Variants in EIF2AK4 observed in about 807,000 individuals in gnomAD.
The protein encoded by EIF2AK4 is eIF-2-alpha kinase GCN2.
EIF2AK4 carries 139 observed loss-of-function variants against 211.1 expected under a neutral mutation model. That is an observed-to-expected ratio of 0.66 (90% confidence interval 0.57 to 0.76). The LOEUF is 0.76. Among genes scored for constraint, EIF2AK4 ranks in the 30% least tolerant of loss-of-function variants. EIF2AK4 has a pLI of 0.00. For synonymous variants in EIF2AK4, 710 were observed against 751.3 expected (o/e 0.94, Z 0.90); for missense variants, 1,664 against 2,043.8 (o/e 0.81, Z 3.58).
intron 13 of EIF2AK4, among the ~76,000 whole-genome samples, chr15:39,978,536 AT>A (rs1357331950): frequency 6.6e-6 from 1 of 152,216 alleles, no homozygotes; most frequent in Non-Finnish European, 1.5e-5. Context: ...ACGTCAATTA[AT>A]CTTGATTCCT....
chr15:39,981,187 T>A (rs966315893), intron 13 of EIF2AK4, among the ~76,000 whole-genome samples: 1 of 152,068 alleles, frequency 6.6e-6, no homozygotes, highest in Admixed American at 6.6e-5. Context: ...CTGGCCAACA[T>A]GGTGAAACCC....
rs1336455357 is a variant in EIF2AK4 at position 39,973,692 on chromosome 15, C to T, written c.1761C>T (p.Phe587=). 3 of 1,614,054 alleles carry T rather than the reference C, an allele frequency of 1.9e-6. No homozygotes were observed. The highest frequency in any genetic ancestry group is 1.3e-5 in the African/African-American group (1 of 74,936). Residue 587 remains phenylalanine (F), a synonymous_variant, in exon 11 of 39, where the codon TTC becomes TTT. Transcript: ENST00000263791. ...SETQRQFSRY[F]IEFEELQLLG... ...CACAGAGACAGTTTTCCCGATACTTCATTGAGTTTGAAGAATTACAACTTC... is the reference window on the plus strand; with the variant it reads ...CACAGAGACAGTTTTCCCGATACTTTATTGAGTTTGAAGAATTACAACTTC...
At chr15:39,992,108 C>T in intron 16 of EIF2AK4, 67 bp from the exon 17 acceptor site, 2 of 1,367,622 alleles carry the variant, frequency 1.5e-6, no homozygotes, top group East Asian at 2.3e-5. Context: ...CATTTAGAAA[C>T]AGACAAGCCA....
chr15:39,941,372 G>A (rs2034142245), intron 2 of EIF2AK4, among the ~76,000 whole-genome samples: 1 of 152,124 alleles, frequency 6.6e-6, no homozygotes. Context: ...ACTCCGGTAT[G>A]GTTGGAAGGG....
intron 4 of EIF2AK4, among the ~76,000 whole-genome samples, chr15:39,949,843 G>C (rs536942423): frequency 6.6e-6 from 1 of 151,814 alleles, no homozygotes; most frequent in African/African-American, 2.4e-5. Context: ...CCTATGCTGA[G>C]ATTCTAAAGA....
At position 39,961,916 on chromosome 15, in the gene EIF2AK4, A is replaced by C. The variant is rs577506889; in HGVS notation, c.859+17A>C. The C allele has an allele frequency of 3.7e-5, 59 of 1,581,558 alleles. No homozygotes were observed. The Admixed American group carries it at 6.9e-4, about 19-fold the overall frequency. ...AATGTATTGGTGAGTAAACTAGCAA[A>C]ATCTATTCATATTATTGTAATGGCA... On this transcript the variant is annotated intron_variant, in intron 7 of 38. Transcript: ENST00000263791.
Position 40,007,079 on chromosome 15 carries a change from G to T in EIF2AK4, c.3407+14G>T, listed in dbSNP as rs1567002586. The stretch of plus-strand genomic sequence containing the variant: ...GAATTTAAAACGGTAAGAAACAATA[G>T]GAGATTCCATTTGGTAGACATAGGA... On this transcript the variant is annotated intron_variant, in intron 24 of 38. Coordinates refer to ENST00000263791, the MANE Select transcript of EIF2AK4 (RefSeq NM_001013703.4). 1 of 1,575,446 alleles carries T rather than the reference G, an allele frequency of 6.3e-7. No homozygotes were observed.
At chr15:39,953,440 G>A (rs933132232) in intron 4 of EIF2AK4, among the ~76,000 whole-genome samples, 2 of 152,170 alleles carry the variant, frequency 1.3e-5, no homozygotes, top group African/African-American at 2.4e-5. Flanking sequence ...TGGCAGGTAG[G>A]TATGGTACTT....
chr15:40,011,425 C>A, intron 27 of EIF2AK4, 79 bp downstream of exon 27: 1 of 1,298,910 alleles, frequency 7.7e-7, no homozygotes, highest in Non-Finnish European at 1.1e-6. Context: ...ATTCTCGTTG[C>A]AGTAGGGTAG....
At chr15:39,952,494 T>G (rs2140904294) in intron 4 of EIF2AK4, among the ~76,000 whole-genome samples, 1 of 152,262 alleles carries the variant, frequency 6.6e-6, no homozygotes, top group African/African-American at 2.4e-5. Flanking sequence ...CAGGCTGGTC[T>G]TCAACTCCTG....
rs576249686 is a variant in EIF2AK4, at chr15:39,947,533, T to G, written c.361-1583T>G. Among the ~76,000 whole-genome samples, 64 of 152,368 alleles carry G rather than the reference T, an allele frequency of 4.2e-4. 1 individual carries two copies. The highest frequency in any genetic ancestry group is 1.5e-3 in the African/African-American group (62 of 41,582). On this transcript the variant is annotated intron_variant, in intron 3 of 38. Coordinates refer to ENST00000263791, the MANE Select transcript of EIF2AK4 (RefSeq NM_001013703.4). ...TTACTCAACAGATATTTATTGTCTGTGTACCATGTGTCAAGTGCTATTCCA... is the reference window on the plus strand; with the variant it reads ...TTACTCAACAGATATTTATTGTCTGGGTACCATGTGTCAAGTGCTATTCCA...
chr15:39,971,197 C>T (rs2034619296), intron 9 of EIF2AK4, among the ~76,000 whole-genome samples: 1 of 152,140 alleles, frequency 6.6e-6, no homozygotes, highest in Non-Finnish European at 1.5e-5. Flanking sequence ...CCTGCCTGGG[C>T]AACATAGTAA....
intron 33 of EIF2AK4, among the ~76,000 whole-genome samples, chr15:40,027,016 G>T (rs1408449597): frequency 6.6e-6 from 1 of 152,060 alleles, no homozygotes; most frequent in South Asian, 2.1e-4. Context: ...TTTTGTTTAT[G>T]TGAGTTATAT....
chr15:40,017,829 G>A (rs942278940), intron 29 of EIF2AK4, among the ~76,000 whole-genome samples: 3 of 151,822 alleles, frequency 2.0e-5, no homozygotes, highest in East Asian at 1.9e-4. Flanking sequence ...TTATAGGTGT[G>A]AGCCACCACA....
At chr15:39,969,641 T>C (rs2034596667) in intron 9 of EIF2AK4, among the ~76,000 whole-genome samples, 1 of 152,218 alleles carries the variant, frequency 6.6e-6, no homozygotes, top group Non-Finnish European at 1.5e-5. Context: ...ATTACAGGCG[T>C]GAGCCATAGC....
Position 40,022,506 on chromosome 15 carries a change from T to TTGG in EIF2AK4, c.4303-11_4303-10insGTG, listed in dbSNP as rs1320535563. ...TCTGTGTTTATTTTCTTTACTATGT[T>TTGG]TGTTTGTTTCAGTCCCAAGAGGAAT... On this transcript the variant is annotated splice_polypyrimidine_tract_variant and intron_variant, in intron 31 of 38. Transcript: ENST00000263791. The TTGG allele has an allele frequency of 6.2e-7, 1 of 1,609,236 alleles. No individual in the cohort carries two copies. The highest frequency in any genetic ancestry group is 1.7e-5 in the Admixed American group (1 of 59,746).
chr15:40,029,380 A>C lies in EIF2AK4; in HGVS notation c.4503-26A>C, dbSNP rs17848499. 3 of 1,610,600 alleles carry C rather than the reference A, an allele frequency of 1.9e-6. No homozygotes were observed. The South Asian group carries it at 3.3e-5, about 18-fold the overall frequency. On this transcript the variant is annotated intron_variant, in intron 33 of 38. Coordinates refer to ENST00000263791, the MANE Select transcript of EIF2AK4 (RefSeq NM_001013703.4). ...GCTTGTGCCTTATTGACTGTTCTTT[A>C]ATTGTTTTTGTTTGCTTGTTTTTAG...
At chr15:40,027,748 G>A (rs1243472269) in intron 33 of EIF2AK4, among the ~76,000 whole-genome samples, 1 of 152,030 alleles carries the variant, frequency 6.6e-6, no homozygotes, top group East Asian at 1.9e-4. Flanking sequence ...AAAATTAGCG[G>A]GGCATGGTGG....
intron 6 of EIF2AK4, among the ~76,000 whole-genome samples, chr15:39,960,875 G>T (rs2034462435): frequency 6.6e-6 from 1 of 152,164 alleles, no homozygotes; most frequent in African/African-American, 2.4e-5. Flanking sequence ...AGAAATTGTG[G>T]ACTGTATTCC....
Sources: allele counts gnomAD v4.1 joint callset (sites outside exome capture counted in the v4.1 genomes callset), GRCh38; gene constraint gnomAD v4.1.1; transcripts MANE v1.5; gene names NCBI Gene and HGNC (gene_info 2026-07-23, HGNC 2026-07-21).